The following THSD4 variants were observed in gnomAD, a reference collection of about 807,000 sequenced individuals.
THSD4 encodes the protein thrombospondin type 1 domain containing 4.
A neutral mutation model predicts 119.0 loss-of-function variants in THSD4; 69 were observed. The ratio of observed to expected loss-of-function variants is 0.58; its 90% CI spans 0.48 to 0.71. The LOEUF (loss-of-function observed/expected upper bound fraction) is 0.71. Among genes scored for constraint, THSD4 ranks in the 30% least tolerant of loss-of-function variants. The pLI, the probability that THSD4 is intolerant of heterozygous loss-of-function variation, is 0.00. For missense variants in THSD4, 1,393 were observed against 1,391.1 expected (o/e 1.00, Z -0.02); for synonymous variants, 524 against 540.4 (o/e 0.97, Z 0.42).
At chr15:71,767,936 T>C (rs151250017) in intron 16 of THSD4, among the ~76,000 whole-genome samples, 7 of 152,240 alleles carry the variant, frequency 4.6e-5, no homozygotes, top group African/African-American at 1.7e-4. Flanking sequence ...AATAATACCA[T>C]AGATTAGATG....
intron 7 of THSD4, among the ~76,000 whole-genome samples, chr15:71,655,503 A>C (rs7496970): frequency 0.37 from 56,493 of 152,020 alleles, 11,438 homozygotes; most frequent in East Asian, 0.9. Context: ...CAGACAAAAT[A>C]AAATACATAA....
intron 7 of THSD4, among the ~76,000 whole-genome samples, chr15:71,627,117 T>C (rs1243962769): frequency 1.3e-5 from 2 of 152,090 alleles, no homozygotes. Flanking sequence ...AAAAGGAACA[T>C]GTCCTGAGGT....
At chr15:71,581,459 A>G (rs983123207) in intron 7 of THSD4, among the ~76,000 whole-genome samples, 2 of 152,086 alleles carry the variant, frequency 1.3e-5, no homozygotes, top group East Asian at 1.9e-4. Flanking sequence ...ATGTTTTGCA[A>G]ATATTAGCTT....
intron 1 of THSD4, among the ~76,000 whole-genome samples, chr15:71,122,595 A>G (rs186306704): frequency 9.0e-4 from 137 of 152,314 alleles, no homozygotes; most frequent in African/African-American, 3.2e-3. Context: ...ATATCGGCTT[A>G]TGTTTTAATT....
intron 4 of THSD4, among the ~76,000 whole-genome samples, chr15:71,218,059 A>T (rs1055726579): frequency 3.9e-5 from 6 of 152,142 alleles, no homozygotes; most frequent in African/African-American, 1.4e-4. Context: ...GGCATGAGTC[A>T]CCGTGCGTGG....
intron 8 of THSD4, among the ~76,000 whole-genome samples, chr15:71,713,645 G>A (rs1287852155): frequency 6.6e-6 from 1 of 152,122 alleles, no homozygotes; most frequent in Admixed American, 6.5e-5. Context: ...GATGACTACT[G>A]TGAGCTTTGC....
At chr15:71,326,870 C>T (rs191032223) in intron 6 of THSD4, among the ~76,000 whole-genome samples, 1 of 148,264 alleles carries the variant, frequency 6.7e-6, no homozygotes, top group East Asian at 2.0e-4. Context: ...GAGACCCTGT[C>T]TCTAAAAAGC....
chr15:71,775,686 G>A (rs1241390010), intron 17 of THSD4, among the ~76,000 whole-genome samples: 2 of 152,096 alleles, frequency 1.3e-5, no homozygotes, highest in African/African-American at 4.8e-5. Context: ...ATTCCAGCCT[G>A]GGTGATACAG....
At chr15:71,220,486 T>C (rs2140254855) in intron 4 of THSD4, among the ~76,000 whole-genome samples, 1 of 152,318 alleles carries the variant, frequency 6.6e-6, no homozygotes, top group Middle Eastern at 3.4e-3. Context: ...AGGGGCTTCA[T>C]CTTTCAAATG....
At chr15:71,547,802 C>A (rs377665018) in intron 7 of THSD4, 28 of 201,148 alleles carry the variant, frequency 1.4e-4, no homozygotes, top group African/African-American at 6.5e-4. Flanking sequence ...TGTGCCATGT[C>A]AGATTTCGTT....
At chr15:71,615,414 A>G (rs2050303717) in intron 7 of THSD4, among the ~76,000 whole-genome samples, 1 of 152,206 alleles carries the variant, frequency 6.6e-6, no homozygotes, top group Non-Finnish European at 1.5e-5. Context: ...TGTGCTGAGG[A>G]ATGCCACTGA....
In THSD4 at chr15:71,354,213, T is replaced by G. The variant is rs1405436708; in HGVS notation, c.1016-57474T>G. Among the ~76,000 whole-genome samples the G allele has an allele frequency of 2.6e-5, 4 of 152,328 alleles. No individual in the cohort carries two copies. The East Asian group carries it at 5.8e-4, about 22-fold the overall frequency. ...GGGAAGCTGAGGCAGGAGGATCACT[T>G]GAGTCTAGGAGGTTGAGGCTGCAGT... On this transcript the variant is annotated intron_variant, in intron 6 of 17. Transcript: ENST00000261862.
rs1299957619 is a variant in THSD4, at chr15:71,380,497, C to T, written c.1016-31190C>T. The stretch of plus-strand genomic sequence containing the variant: ...TTAAGACTTGAGAGGGTACAACACA[C>T]CCAGGAGACGACTGTGATCACTATC... On this transcript the variant is annotated intron_variant, in intron 6 of 17. Transcript: ENST00000261862. Among the ~76,000 whole-genome samples, 6 of 152,132 alleles carry T rather than the reference C, an allele frequency of 3.9e-5. No individual in the cohort carries two copies. The South Asian group carries it at 6.2e-4, about 16-fold the overall frequency.
intron 3 of THSD4, among the ~76,000 whole-genome samples, chr15:71,161,759 T>C (rs778226695): frequency 6.6e-6 from 1 of 151,984 alleles, no homozygotes; most frequent in Non-Finnish European, 1.5e-5. Flanking sequence ...TTGTTATTGA[T>C]AGGTAAGGTT....
intron 3 of THSD4, chr15:71,188,794 C>G (rs1379974064): frequency 6.6e-6 from 1 of 152,568 alleles, no homozygotes; most frequent in Non-Finnish European, 1.5e-5. Context: ...CTGACAGGAA[C>G]AAAACAAAAG....
chr15:71,707,842 A>T (rs1169910384), intron 8 of THSD4, among the ~76,000 whole-genome samples: 4 of 149,842 alleles, frequency 2.7e-5, no homozygotes, highest in Non-Finnish European at 5.9e-5. Context: ...CCTTTTCCCA[A>T]ACAAATGCCT....
intron 7 of THSD4, among the ~76,000 whole-genome samples, chr15:71,637,963 G>A (rs1455285536): frequency 6.6e-6 from 1 of 152,108 alleles, no homozygotes; most frequent in Non-Finnish European, 1.5e-5. Context: ...CTGACCTCAG[G>A]TGATCCACCT....
intron 8 of THSD4, among the ~76,000 whole-genome samples, chr15:71,697,080 G>T (rs184382556): frequency 1.3e-5 from 2 of 152,180 alleles, no homozygotes; most frequent in African/African-American, 4.8e-5. Context: ...GTGATAAGAC[G>T]GTGAAGGAGC....
intron 6 of THSD4, among the ~76,000 whole-genome samples, chr15:71,388,532 A>G (rs552172269): frequency 6.6e-6 from 1 of 152,058 alleles, no homozygotes; most frequent in African/African-American, 2.4e-5. Flanking sequence ...TGAAGGGGGG[A>G]AAAATAAAAA....
Sources: gnomAD v4.1 joint callset for allele counts (sites outside exome capture counted in the v4.1 genomes callset) on GRCh38, gnomAD v4.1.1 for gene constraint, MANE v1.5 for transcripts, NCBI Gene and HGNC (gene_info 2026-07-23, HGNC 2026-07-21) for gene names.